The following PKNOX2 variants were observed in gnomAD, a reference collection of about 807,000 sequenced individuals.
PKNOX2 encodes the protein homeobox protein PKNOX2.
PKNOX2 carries 14 observed loss-of-function variants against 53.1 expected under a neutral mutation model. The ratio of observed to expected loss-of-function variants is 0.26; its 90% confidence interval spans 0.17 to 0.41. The LOEUF (loss-of-function observed/expected upper bound fraction) is 0.41. Ranked by LOEUF, PKNOX2 falls within the 10% of genes least tolerant of loss-of-function variation. PKNOX2 has a pLI of 1.00. For missense variants in PKNOX2, 496 were observed against 602.8 expected (o/e 0.82, Z 1.85); for synonymous variants, 257 against 242.8 (o/e 1.06, Z -0.54).
chr11:125,313,733 G>A (rs989263026), intron 2 of PKNOX2, among the ~76,000 whole-genome samples: 1 of 152,116 alleles, frequency 6.6e-6, no homozygotes, highest in African/African-American at 2.4e-5. Flanking sequence ...CAAGCCACGT[G>A]TATCTATTCA....
Position 125,431,546 on chromosome 11 carries a change from A to C in PKNOX2, c.*154A>C, listed in dbSNP as rs1591571642. 1 of 861,700 alleles carries C rather than the reference A, an allele frequency of 1.2e-6. No homozygotes were observed. The highest frequency in any genetic ancestry group is 1.7e-6 in the Non-Finnish European group (1 of 575,496). 53.4% of individuals were successfully genotyped at this position (861,700 alleles called of 1,614,324 possible). A position where few individuals can be genotyped will look rare whatever the true frequency, so the allele number is the denominator to read the frequency against. On this transcript the variant is annotated 3_prime_UTR_variant, in exon 13 of 13. Coordinates refer to ENST00000298282, the MANE Select transcript of PKNOX2 (RefSeq NM_001382323.2). ...TAGCTTGAAGAAAGGCAAAGGAGAC[A>C]CCTGTTCCTTCCCAACCACCGAGCT...
At chr11:125,346,434 G>A (rs61917781) in intron 3 of PKNOX2, among the ~76,000 whole-genome samples, 4 of 152,212 alleles carry the variant, frequency 2.6e-5, no homozygotes, top group African/African-American at 9.7e-5. Context: ...TCTGCAGTCC[G>A]AGAGGGAAAG....
chr11:125,292,162 GC>G (rs2135913997), intron 2 of PKNOX2, among the ~76,000 whole-genome samples: 1 of 152,268 alleles, frequency 6.6e-6, no homozygotes, highest in South Asian at 2.1e-4. Context: ...TCTCCAGTCC[GC>G]CTCCCCAGCA....
chr11:125,376,031 A>G (rs1952816600), intron 5 of PKNOX2, among the ~76,000 whole-genome samples: 2 of 152,154 alleles, frequency 1.3e-5, no homozygotes, highest in Admixed American at 6.5e-5. Context: ...TTGCCCTCGC[A>G]GAGCAGTTTT....
At chr11:125,195,528 C>G (rs1030558607) in intron 1 of PKNOX2, among the ~76,000 whole-genome samples, 6 of 151,642 alleles carry the variant, frequency 4.0e-5, no homozygotes, top group Non-Finnish European at 8.8e-5. Context: ...TGTGTGGAGG[C>G]CAAAAGAGGA....
At chr11:125,291,516 A>G (rs1032854567) in intron 2 of PKNOX2, among the ~76,000 whole-genome samples, 3 of 152,316 alleles carry the variant, frequency 2.0e-5, no homozygotes, top group African/African-American at 7.2e-5. Context: ...GTTCCTCCAA[A>G]TTGAAACATA....
intron 3 of PKNOX2, among the ~76,000 whole-genome samples, chr11:125,335,145 C>T (rs747193261): frequency 3.3e-5 from 5 of 152,140 alleles, no homozygotes; most frequent in African/African-American, 9.7e-5. Context: ...TAGGGAAGGG[C>T]GATGTGGTCT....
intron 1 of PKNOX2, among the ~76,000 whole-genome samples, chr11:125,234,711 G>T (rs1302022087): frequency 6.6e-6 from 1 of 151,466 alleles, no homozygotes; most frequent in Non-Finnish European, 1.5e-5. Flanking sequence ...TATTACCTTG[G>T]TCAGCTCAGG....
At position 125,427,618 on chromosome 11, in the gene PKNOX2, C is replaced by T. The variant is rs147196297; in HGVS notation, c.937-1394C>T. ...TGCTGATGTGTAGTTAGGTGACGTG[C>T]CTGAGATTTCATAGCTAGTCATAAT... On this transcript the variant is annotated intron_variant, in intron 10 of 12. Coordinates refer to ENST00000298282, the MANE Select transcript of PKNOX2 (RefSeq NM_001382323.2). Among the ~76,000 whole-genome samples the T allele has an allele frequency of 1.2e-4, 19 of 152,124 alleles. No individual in the cohort carries two copies. In the East Asian group the frequency reaches 2.7e-3, roughly 22 times the overall value.
At chr11:125,376,463 C>T (rs910794239) in intron 5 of PKNOX2, among the ~76,000 whole-genome samples, 2 of 152,118 alleles carry the variant, frequency 1.3e-5, no homozygotes, top group African/African-American at 4.8e-5. Context: ...CTCCCTACTC[C>T]CTCCCCTCCC....
At chr11:125,380,975 C>T (rs967433420) in intron 5 of PKNOX2, among the ~76,000 whole-genome samples, 6 of 152,184 alleles carry the variant, frequency 3.9e-5, no homozygotes, top group African/African-American at 1.4e-4. Flanking sequence ...AGGTGACTCT[C>T]CCATAACTGT....
At chr11:125,334,645 C>T (rs1950337012) in intron 3 of PKNOX2, among the ~76,000 whole-genome samples, 1 of 151,302 alleles carries the variant, frequency 6.6e-6, no homozygotes, top group Non-Finnish European at 1.5e-5. Flanking sequence ...GTCACCCAGG[C>T]TAGAGTGCAG....
chr11:125,411,625 G>C (rs1472368943), intron 9 of PKNOX2, 121 bp from the exon 10 acceptor site: 2 of 1,528,062 alleles, frequency 1.3e-6, no homozygotes, highest in African/African-American at 2.7e-5. Context: ...ACCTCCCCAG[G>C]GCCCTAGGAA....
rs1893183 is a variant in PKNOX2 at position 125,240,967 on chromosome 11, C to T, written c.-130+5852C>T. Among the ~76,000 whole-genome samples, 37,439 of 152,118 alleles carry T rather than the reference C, an allele frequency of 0.25. 4,842 individuals carry two copies. The highest frequency in any genetic ancestry group is 0.48 in the East Asian group (2,464 of 5,164). On this transcript the variant is annotated intron_variant, in intron 2 of 12. Coordinates refer to ENST00000298282, the MANE Select transcript of PKNOX2 (RefSeq NM_001382323.2). This position sits in a 1 kb window ranked among gnomAD's most constrained non-coding sequence, Gnocchi z 4.3. ...TCAGAGCTAGCCAAGGAGAGCCTCC[C>T]GTATCTGGAGGAGCCTAGCGCTGTG...
intron 5 of PKNOX2, among the ~76,000 whole-genome samples, chr11:125,382,054 C>G (rs970779732): frequency 6.6e-6 from 1 of 152,160 alleles, no homozygotes; most frequent in Non-Finnish European, 1.5e-5. Context: ...CCCGTCCTTA[C>G]CCCACATGCC....
intron 2 of PKNOX2, among the ~76,000 whole-genome samples, chr11:125,244,416 C>G (rs979507299): frequency 6.6e-6 from 1 of 152,172 alleles, no homozygotes; most frequent in South Asian, 2.1e-4. Context: ...TATCCCCAAC[C>G]CTTCCAGATC....
intron 2 of PKNOX2, among the ~76,000 whole-genome samples, chr11:125,251,284 C>A (rs1343740599): frequency 1.3e-5 from 2 of 152,184 alleles, no homozygotes; most frequent in African/African-American, 4.8e-5. Flanking sequence ...CTCCTGCCAG[C>A]ATTTCCAATT....
rs760925024 is a variant in PKNOX2, at chr11:125,410,331, T to C, written c.718+6T>C. On this transcript the variant is annotated splice_donor_region_variant and intron_variant, in intron 8 of 12. Transcript: ENST00000298282. ...CAACTCACAAGTTGTGTCAGGTCGG[T>C]GCAAAGACTGGGAAGGGTGATTGTG... 1 of 1,613,806 alleles carries C rather than the reference T, an allele frequency of 6.2e-7. No individual in the cohort carries two copies. The highest frequency in any genetic ancestry group is 1.1e-5 in the South Asian group (1 of 91,068).
chr11:125,331,819 G>T lies in PKNOX2; in HGVS notation c.-129G>T. The T allele has an allele frequency of 6.6e-6, 1 of 152,208 alleles. No homozygotes were observed. The highest frequency in any genetic ancestry group is 1.9e-4 in the East Asian group (1 of 5,192). The allele number at this position is 152,208 out of a possible 1,614,324, so 9.4% of individuals were successfully genotyped here. A position where few individuals can be genotyped will look rare whatever the true frequency, so the allele number is the denominator to read the frequency against. ...AGAGCTGCTCTACCCTTTTTTGCAG[G>T]TGCTTTGGCTCTAGCAGACAGGAAG... On this transcript the variant is annotated splice_region_variant and 5_prime_UTR_variant, in exon 3 of 13. Transcript: ENST00000298282.
Sources: gnomAD v4.1 joint callset for allele counts (sites outside exome capture counted in the v4.1 genomes callset) on GRCh38, gnomAD v4.1.1 for gene constraint, Gnocchi (gnomAD v3.1) non-coding constraint, MANE v1.5 for transcripts, NCBI Gene and HGNC (gene_info 2026-07-23, HGNC 2026-07-21) for gene names.